The following FAF1 variants were observed in gnomAD, a reference collection of about 807,000 sequenced individuals.
The protein encoded by FAF1 is Fas associated factor 1.
FAF1 carries 25 observed loss-of-function variants against 92.5 expected under a neutral mutation model. The ratio of observed to expected loss-of-function variants is 0.27; its 90% confidence interval spans 0.20 to 0.38. The LOEUF (loss-of-function observed/expected upper bound fraction) is 0.38, where lower values mean the gene tolerates loss of function less well. Among genes scored for constraint, FAF1 ranks in the 10% least tolerant of loss-of-function variants. The pLI is 1.00. For missense variants in FAF1, 636 were observed against 793.3 expected, an observed-to-expected ratio of 0.80 and a Z score of 2.38; for synonymous variants, 234 against 273.2, an observed-to-expected ratio of 0.86 and a Z score of 1.42.
intron 18 of FAF1, among the ~76,000 whole-genome samples, chr1:50,454,752 A>T (rs1251669613): frequency 2.6e-5 from 4 of 152,214 alleles, no homozygotes; most frequent in Admixed American, 2.0e-4. Context: ...ATCCTAGAGG[A>T]TCTAGCTCAA....
At chr1:50,873,587 T>C (rs1444590657) in intron 1 of FAF1, among the ~76,000 whole-genome samples, 1 of 152,228 alleles carries the variant, frequency 6.6e-6, no homozygotes, top group Non-Finnish European at 1.5e-5. Context: ...TCATTGTTCA[T>C]TAGCATAAGA....
Position 50,681,936 on chromosome 1 carries a change from C to A in FAF1, c.657+23850G>T, listed in dbSNP as rs548806794. ...GCAACTTCCACCTCCCAGGCCCAAG[C>A]GATCCTCCCACCTCAGCCCCCTGGG... is the stretch of plus-strand genomic sequence containing the variant. On this transcript the variant is annotated intron_variant, in intron 7 of 18. Coordinates refer to ENST00000396153, the MANE Select transcript of FAF1 (RefSeq NM_007051.3). 3.3e-5 allele frequency among the ~76,000 whole-genome samples: 5 copies of A among 151,978 alleles called. No homozygotes were observed. In the East Asian group the frequency reaches 7.8e-4, roughly 24 times the overall value.
chr1:50,778,805 G>A (rs1329879169), intron 4 of FAF1, among the ~76,000 whole-genome samples: 1 of 151,796 alleles, frequency 6.6e-6, no homozygotes, highest in African/African-American at 2.4e-5. Flanking sequence ...GAGTGACAGA[G>A]CAAGACCATC....
intron 6 of FAF1, among the ~76,000 whole-genome samples, chr1:50,719,060 A>C (rs564814001): frequency 1.3e-5 from 2 of 152,350 alleles, no homozygotes; most frequent in South Asian, 4.1e-4. Context: ...AATCAGTTTG[A>C]AAATCTGGCA....
chr1:50,737,847 A>C (rs1659204551), intron 6 of FAF1, among the ~76,000 whole-genome samples: 1 of 152,170 alleles, frequency 6.6e-6, no homozygotes, highest in Non-Finnish European at 1.5e-5. Flanking sequence ...TTAGGGACAC[A>C]AGTCTCCCTA....
chr1:50,625,871 T>C (rs1653475592), intron 8 of FAF1, among the ~76,000 whole-genome samples: 1 of 152,106 alleles, frequency 6.6e-6, no homozygotes, highest in African/African-American at 2.4e-5. Flanking sequence ...TTTAATAAGA[T>C]AACTCACATT....
chr1:50,558,156 C>A (rs1649683907), intron 13 of FAF1, among the ~76,000 whole-genome samples: 1 of 152,084 alleles, frequency 6.6e-6, no homozygotes. Context: ...GCCTCAGACT[C>A]CCAAAGCACT....
intron 8 of FAF1, among the ~76,000 whole-genome samples, chr1:50,610,863 G>GA (rs1299633638): frequency 4.0e-5 from 6 of 150,262 alleles, no homozygotes; most frequent in African/African-American, 1.5e-4. Context: ...TTTAACTAAA[G>GA]AAAAAAAAAG....
chr1:50,565,700 T>C (rs1650149561), intron 13 of FAF1, among the ~76,000 whole-genome samples: 1 of 152,100 alleles, frequency 6.6e-6, no homozygotes, highest in Non-Finnish European at 1.5e-5. Flanking sequence ...TACACTGCAA[T>C]TTTTTGTCAT....
At chr1:50,746,209 C>T (rs531698170) in intron 4 of FAF1, among the ~76,000 whole-genome samples, 2 of 133,664 alleles carry the variant, frequency 1.5e-5, no homozygotes, top group East Asian at 4.6e-4. Context: ...TAGTACCCTA[C>T]GCTCGTATGT....
At chr1:50,739,707 G>A (rs555111759) in intron 5 of FAF1, among the ~76,000 whole-genome samples, 23 of 152,120 alleles carry the variant, frequency 1.5e-4, no homozygotes, top group South Asian at 4.1e-4. Context: ...TTATAGATGG[G>A]AAGCTATATA....
chr1:50,553,008 G>A (rs1036646391), intron 13 of FAF1, among the ~76,000 whole-genome samples: 9 of 152,196 alleles, frequency 5.9e-5, no homozygotes, highest in African/African-American at 2.2e-4. Context: ...AAGGTGAACA[G>A]GCGGGTCTAA....
chr1:50,585,492 A>G (rs1651183858), intron 9 of FAF1, among the ~76,000 whole-genome samples: 1 of 152,218 alleles, frequency 6.6e-6, no homozygotes, highest in Non-Finnish European at 1.5e-5. Flanking sequence ...AAAGGTATTA[A>G]AAACATCTGC....
intron 8 of FAF1, among the ~76,000 whole-genome samples, chr1:50,625,180 G>A (rs773794452): frequency 5.9e-5 from 9 of 152,086 alleles, no homozygotes; most frequent in South Asian, 2.1e-4. Context: ...GATTACAGGC[G>A]TGAGCCACCG....
intron 1 of FAF1, among the ~76,000 whole-genome samples, chr1:50,952,724 C>G (rs530536199): frequency 6.6e-6 from 1 of 151,828 alleles, no homozygotes; most frequent in Non-Finnish European, 1.5e-5. Flanking sequence ...CCCGCCACCC[C>G]GTCTGGGAAC....
chr1:50,557,268 G>T (rs1649634810), intron 13 of FAF1, among the ~76,000 whole-genome samples: 1 of 152,244 alleles, frequency 6.6e-6, no homozygotes, highest in African/African-American at 2.4e-5. Context: ...AATTGTTGCT[G>T]TAGCTACAGA....
chr1:50,471,178 T>C (rs1171660254), intron 18 of FAF1: 2 of 152,218 alleles, frequency 1.3e-5, no homozygotes, highest in Non-Finnish European at 2.9e-5. Context: ...TGGCAAATAG[T>C]ATCCATGTGT....
chr1:50,489,311 T>C (rs902101015), intron 17 of FAF1, among the ~76,000 whole-genome samples: 2 of 152,270 alleles, frequency 1.3e-5, no homozygotes. Flanking sequence ...ATACTTTGAC[T>C]GAGAGTAATA....
At chr1:50,448,891 G>A (rs969895088) in intron 18 of FAF1, among the ~76,000 whole-genome samples, 1 of 147,554 alleles carries the variant, frequency 6.8e-6, no homozygotes, top group African/African-American at 2.5e-5. Flanking sequence ...CACTAAGCAA[G>A]TACTTAACAA....
Sources: gnomAD v4.1 joint callset for allele counts (sites outside exome capture counted in the v4.1 genomes callset) on GRCh38, gnomAD v4.1.1 for gene constraint, MANE v1.5 for transcripts, NCBI Gene and HGNC (gene_info 2026-07-23, HGNC 2026-07-21) for gene names.